The following SH3GLB2 variants were observed in gnomAD, a reference collection of about 807,000 sequenced individuals.
SH3GLB2 encodes the protein SH3 domain containing GRB2 like, endophilin B2, also known as endophilin-B2.
Under a neutral mutation model 48.0 loss-of-function variants are expected in SH3GLB2, and 24 were observed. That is an observed-to-expected ratio of 0.50 (90% confidence interval 0.36 to 0.70). The LOEUF is 0.70. Ranked by LOEUF, SH3GLB2 falls within the 30% of genes least tolerant of loss-of-function variation. The pLI is 0.00. For missense variants in SH3GLB2, 425 were observed against 516.0 expected (o/e 0.82, Z 1.71); for synonymous variants, 227 against 207.6 (o/e 1.09, Z -0.80).
intron 9 of SH3GLB2, chr9:129,009,558 A>C: frequency 6.5e-7 from 1 of 1,544,362 alleles, no homozygotes; most frequent in South Asian, 1.2e-5. Context: ...GGCATTCCCT[A>C]GAAACCCTCA....
In SH3GLB2 at chr9:129,007,230, A is replaced by C. The variant is rs1449441586; in HGVS notation, c.*1454T>G. The stretch of plus-strand genomic sequence containing the variant: ...GCAGGTACTGATGGATGGCTAGTTC[A>C]CCAGCATCTCCTCATTCCTGTCCTT... On this transcript the variant is annotated 3_prime_UTR_variant, in exon 11 of 11. Coordinates refer to ENST00000372564, the MANE Select transcript of SH3GLB2 (RefSeq NM_020145.4). 6.6e-6 allele frequency: 1 copy of C among 152,014 alleles called. No homozygotes were observed. Among genetic ancestry groups the C allele is most frequent in the Non-Finnish European group, 1.5e-5 (1 of 68,056 alleles). The allele number at this position is 152,014 out of a possible 1,614,324, so 9.4% of individuals were successfully genotyped here.
In SH3GLB2 at chr9:129,012,307, G is replaced by T. The variant is rs1423087750; in HGVS notation, c.562-9C>A. ...TGAAAGTCAGGCACCGTCTGGCGGG[G>T]AACAGAGTTCATGTGGGGAGGGGGT... On this transcript the variant is annotated splice_polypyrimidine_tract_variant and intron_variant, in intron 5 of 10. Transcript: ENST00000372564. 2.3e-6 allele frequency: 3 copies of T among 1,296,830 alleles called. No homozygotes were observed. The African/African-American group carries it at 4.5e-5, about 20-fold the overall frequency. 80.3% of individuals were successfully genotyped at this position (1,296,830 alleles called of 1,614,324 possible). A position where few individuals can be genotyped will look rare whatever the true frequency, so the allele number is the denominator to read the frequency against.
chr9:129,010,903 G>C lies in SH3GLB2; in HGVS notation c.625-210C>G, dbSNP rs954430257. 152 of 604,388 alleles carry C rather than the reference G, an allele frequency of 2.5e-4. No individual in the cohort carries two copies. The African/African-American group carries it at 2.6e-3, about 10-fold the overall frequency. The allele number at this position is 604,388 out of a possible 1,614,324, so 37.4% of individuals were successfully genotyped here. A position where few individuals can be genotyped will look rare whatever the true frequency, so the allele number is the denominator to read the frequency against. On this transcript the variant is annotated intron_variant, in intron 6 of 10. Transcript: ENST00000372564. ...AGTCCCTCTAACATGCCTCATGCAGGAGGGGAGCAGCCAGCAGGAGTCCTG... is the reference window on the plus strand; with the variant it reads ...AGTCCCTCTAACATGCCTCATGCAGCAGGGGAGCAGCCAGCAGGAGTCCTG...
rs780911505 is a variant in SH3GLB2 at position 129,022,420 on chromosome 9, T to C, written c.67A>G (p.Thr23Ala). ...TCAGCCTGGCCAAATTTCTCCTCCG[T>C]GAACTACGCAGAGGGGAAGGCCAAG... ...GIFFTRAVQFTEEKFGQAEKT... is the reference protein window; with the variant it reads ...GIFFTRAVQFAEEKFGQAEKT... Residue 23 changes from threonine to alanine, a missense_variant, in exon 2 of 11, where the codon ACG (threonine) becomes GCG (alanine). Coordinates refer to ENST00000372564, the MANE Select transcript of SH3GLB2 (RefSeq NM_020145.4). 1 of 1,609,792 alleles carries C rather than the reference T, an allele frequency of 6.2e-7. No homozygotes were observed. Among genetic ancestry groups the C allele is most frequent in the Non-Finnish European group, 8.5e-7 (1 of 1,179,180 alleles).
chr9:129,008,662 C>CCG lies in SH3GLB2; in HGVS notation c.*21_*22insCG. 1 of 1,583,722 alleles carries CCG rather than the reference C, an allele frequency of 6.3e-7. No homozygotes were observed. The highest frequency in any genetic ancestry group is 8.7e-7 in the Non-Finnish European group (1 of 1,152,922). On this transcript the variant is annotated 3_prime_UTR_variant, in exon 11 of 11. Transcript: ENST00000372564. ...ATCCTCTCCTGCCTAGGCCAGAATG[C>CCG]GGGGGGGATGGGGGCACCTGCCTAG...
At chr9:129,020,695 GTC>G (rs1197098630) in intron 3 of SH3GLB2, among the ~76,000 whole-genome samples, 1 of 150,726 alleles carries the variant, frequency 6.6e-6, no homozygotes, top group African/African-American at 2.4e-5. Context: ...GTGAAACCTC[GTC>G]TCTACTAAAA....
Position 129,014,399 on chromosome 9 carries a change from G to A in SH3GLB2, c.561+12C>T, listed in dbSNP as rs139159392. ...CTGGGCCAGGAGGCCAGCGGGGAGCGGGGACACCTACCGTGGCTTTGGCTT... is the reference window on the plus strand; with the variant it reads ...CTGGGCCAGGAGGCCAGCGGGGAGCAGGGACACCTACCGTGGCTTTGGCTT... On this transcript the variant is annotated intron_variant, in intron 5 of 10. Coordinates refer to ENST00000372564, the MANE Select transcript of SH3GLB2 (RefSeq NM_020145.4). The surrounding 1 kb of genome is among the most constrained non-coding windows in gnomAD (Gnocchi z 4.1). 384 of 1,549,192 alleles carry A rather than the reference G, an allele frequency of 2.5e-4. 2 individuals are homozygous for A. In the East Asian group the frequency reaches 8.4e-3, roughly 34 times the overall value.
chr9:129,019,619 G>A (rs1228768185), intron 3 of SH3GLB2, among the ~76,000 whole-genome samples: 2 of 149,636 alleles, frequency 1.3e-5, no homozygotes, highest in South Asian at 2.1e-4. Flanking sequence ...GGGAGGACCC[G>A]GGATGCTTGA....
rs185603345 is a variant in SH3GLB2 at position 129,018,344 on chromosome 9, A to G, written c.334+2747T>C. 3.7e-3 allele frequency among the ~76,000 whole-genome samples: 558 copies of G among 149,402 alleles called. 2 individuals are homozygous for G. Among genetic ancestry groups the G allele is most frequent in the African/African-American group, 0.012 (506 of 40,878 alleles). On this transcript the variant is annotated intron_variant, in intron 3 of 10. Coordinates refer to ENST00000372564, the MANE Select transcript of SH3GLB2 (RefSeq NM_020145.4). Reference sequence around the variant, plus strand: ...TGTAATCCCAGCACTTTGGGAGGCCAAGGCGGGCGGATCACAAGGTCAGGA... The same window carrying G: ...TGTAATCCCAGCACTTTGGGAGGCCGAGGCGGGCGGATCACAAGGTCAGGA...
At position 129,007,784 on chromosome 9, in the gene SH3GLB2, A is replaced by C. The variant is rs17452541; in HGVS notation, c.*900T>G. 1 of 152,210 alleles carries C rather than the reference A, an allele frequency of 6.6e-6. No individual in the cohort carries two copies. The highest frequency in any genetic ancestry group is 2.4e-5 in the African/African-American group (1 of 41,444). The allele number at this position is 152,210 out of a possible 1,614,324, so 9.4% of individuals were successfully genotyped here. A position where few individuals can be genotyped will look rare whatever the true frequency, so the allele number is the denominator to read the frequency against. Reference sequence around the variant, plus strand: ...AGACGCATTCTACAGTCCGCTCCACAATCCAAATTTAGGAAACTTTTTCTT... The same window carrying C: ...AGACGCATTCTACAGTCCGCTCCACCATCCAAATTTAGGAAACTTTTTCTT... On this transcript the variant is annotated 3_prime_UTR_variant, in exon 11 of 11. Transcript: ENST00000372564.
At chr9:129,023,016 GAA>G (rs1403559382) in intron 1 of SH3GLB2, among the ~76,000 whole-genome samples, 1 of 152,054 alleles carries the variant, frequency 6.6e-6, no homozygotes, top group Non-Finnish European at 1.5e-5. Flanking sequence ...TTCCTGAGCT[GAA>G]AAAAGGGAAT....
At chr9:129,009,602 A>G (rs1386067684) in intron 9 of SH3GLB2, 169 bp downstream of exon 9, 1 of 1,470,206 alleles carries the variant, frequency 6.8e-7, no homozygotes, top group Non-Finnish European at 9.3e-7. Flanking sequence ...CAGTAAGGCC[A>G]GCCACTCCAC....
At chr9:129,016,341 T>TAA (rs1843416097) in intron 3 of SH3GLB2, among the ~76,000 whole-genome samples, 1 of 111,124 alleles carries the variant, frequency 9.0e-6, no homozygotes, top group African/African-American at 3.7e-5. Flanking sequence ...AAGACTGTCT[T>TAA]TAAAAAAAAA....
Position 129,010,148 on chromosome 9 carries a change from AG to A in SH3GLB2, c.709del (p.Leu237SerfsTer11), listed in dbSNP as rs1843029206. On this transcript the variant is annotated frameshift_variant, in exon 8 of 11. Transcript: ENST00000372564. LOFTEE classifies it high-confidence loss of function. ...EFDRQAEVTR[L>X]LLEGISSTHV... ...AGTGCTACTGATTCCCTCCAGCAAG[AG>A]ACGGGTCACTTCTGCTTGCCGGTCA... 1 of 1,613,884 alleles carries A rather than the reference AG, an allele frequency of 6.2e-7. No homozygotes were observed. The highest frequency in any genetic ancestry group is 8.5e-7 in the Non-Finnish European group (1 of 1,179,970).
Position 129,010,737 on chromosome 9 carries a change from G to A in SH3GLB2, c.625-44C>T, listed in dbSNP as rs200293342. The A allele has an allele frequency of 7.9e-5, 128 of 1,612,710 alleles. No homozygotes were observed. The East Asian group carries it at 2.8e-3, about 35-fold the overall frequency. On this transcript the variant is annotated intron_variant, in intron 6 of 10. Coordinates refer to ENST00000372564, the MANE Select transcript of SH3GLB2 (RefSeq NM_020145.4). ...GAGTGGCCAGCAGGGGAGGGGAGAG[G>A]AGGACAGCTGGACCCTAGAGCCTGT...
At chr9:129,021,686 C>T (rs886652826) in intron 2 of SH3GLB2, among the ~76,000 whole-genome samples, 4 of 151,640 alleles carry the variant, frequency 2.6e-5, no homozygotes, top group Non-Finnish European at 5.9e-5. Context: ...GGGACGGACA[C>T]GGTGGCTCCT....
intron 5 of SH3GLB2, chr9:129,013,852 T>C (rs1460199828): frequency 1.2e-5 from 4 of 343,044 alleles, no homozygotes; most frequent in Admixed American, 3.7e-5. Context: ...CCAGGCTGCG[T>C]CCCATTGACC....
In SH3GLB2 at chr9:129,008,440, G is replaced by A; in HGVS notation, c.*244C>T. 1 of 471,612 alleles carries A rather than the reference G, an allele frequency of 2.1e-6. No homozygotes were observed. Among genetic ancestry groups the A allele is most frequent in the Non-Finnish European group, 3.9e-6 (1 of 254,556 alleles). The allele number at this position is 471,612 out of a possible 1,614,324, so 29.2% of individuals were successfully genotyped here. ...CCCTCCTTAGTGGAGCCTGGAGGGT[G>A]GGGTGCTCGGGGATGCAGGCAGGGG... On this transcript the variant is annotated 3_prime_UTR_variant, in exon 11 of 11. Coordinates refer to ENST00000372564, the MANE Select transcript of SH3GLB2 (RefSeq NM_020145.4).
chr9:129,013,081 A>G, intron 5 of SH3GLB2: 1 of 1,547,024 alleles, frequency 6.5e-7, no homozygotes, highest in South Asian at 1.2e-5. Context: ...GTGAGTCCAC[A>G]GCGCAGGCAG....
Sources: gnomAD v4.1 joint callset for allele counts (sites outside exome capture counted in the v4.1 genomes callset) on GRCh38, gnomAD v4.1.1 for gene constraint, Gnocchi (gnomAD v3.1) non-coding constraint, MANE v1.5 for transcripts, NCBI Gene and HGNC (gene_info 2026-07-23, HGNC 2026-07-21) for gene names.